The following ZEB1 variants were observed in gnomAD, a reference collection of about 807,000 sequenced individuals.
ZEB1 encodes zinc finger E-box-binding homeobox 1.
Under a neutral mutation model 84.9 loss-of-function variants are expected in ZEB1, and 21 were observed. That is an observed-to-expected ratio of 0.25 (90% CI 0.18 to 0.36). The LOEUF is 0.36. Ranked by LOEUF, ZEB1 falls within the 10% of genes least tolerant of loss-of-function variation. The probability of loss-of-function intolerance (pLI) is 1.00; values close to 1 mark genes in which losing one functional copy is unlikely to be tolerated. For missense variants in ZEB1, 1,104 were observed against 1,330.2 expected, an observed-to-expected ratio of 0.83 and a Z score of 2.65; for synonymous variants, 420 against 471.1, an observed-to-expected ratio of 0.89 and a Z score of 1.41.
At chr10:31,468,542 C>G (rs1406959983) in intron 2 of ZEB1, among the ~76,000 whole-genome samples, 2 of 152,254 alleles carry the variant, frequency 1.3e-5, no homozygotes, top group East Asian at 3.9e-4. Context: ...TAAGTTTCCC[C>G]CAAAAGACCT....
intron 1 of ZEB1, among the ~76,000 whole-genome samples, chr10:31,429,335 CTA>C (rs2057381412): frequency 6.6e-6 from 1 of 152,120 alleles, no homozygotes; most frequent in Non-Finnish European, 1.5e-5. Flanking sequence ...GTTTGGCTAA[CTA>C]TGAAATTCTG....
intron 2 of ZEB1, among the ~76,000 whole-genome samples, chr10:31,469,465 A>G (rs1185738740): frequency 1.3e-5 from 2 of 152,302 alleles, no homozygotes; most frequent in South Asian, 2.1e-4. Flanking sequence ...GGCACCTGGA[A>G]AATCGGGTCA....
chr10:31,418,951 CA>C (rs917058850), intron 1 of ZEB1, among the ~76,000 whole-genome samples: 9 of 150,788 alleles, frequency 6.0e-5, no homozygotes, highest in South Asian at 2.1e-4. Flanking sequence ...TGTACATATT[CA>C]AAAAAAAATC....
intron 1 of ZEB1, among the ~76,000 whole-genome samples, chr10:31,335,301 GATA>G (rs2037776686): frequency 1.3e-5 from 2 of 151,886 alleles, no homozygotes; most frequent in Non-Finnish European, 2.9e-5. Context: ...TTGGTCATCA[GATA>G]ATAAAAAAAA....
chr10:31,465,254 A>G (rs2062264144), intron 2 of ZEB1, among the ~76,000 whole-genome samples: 1 of 152,112 alleles, frequency 6.6e-6, no homozygotes, highest in South Asian at 2.1e-4. Context: ...TATACAATAT[A>G]CAAGTATGTA....
At chr10:31,442,956 C>T (rs1167804746) in intron 1 of ZEB1, among the ~76,000 whole-genome samples, 1 of 151,942 alleles carries the variant, frequency 6.6e-6, no homozygotes, top group Non-Finnish European at 1.5e-5. Context: ...GGCAACTTTT[C>T]CAAAAAGCTT....
chr10:31,331,550 C>T (rs2133276677), intron 1 of ZEB1, among the ~76,000 whole-genome samples: 1 of 152,022 alleles, frequency 6.6e-6, no homozygotes, highest in Non-Finnish European at 1.5e-5. Context: ...AGTACCTTGC[C>T]CTAAGGAGAT....
intron 2 of ZEB1, among the ~76,000 whole-genome samples, chr10:31,479,651 AC>A (rs535279888): frequency 6.6e-6 from 1 of 151,930 alleles, no homozygotes; most frequent in South Asian, 2.1e-4. Context: ...CAGATCTGTA[AC>A]ATAATGTCAA....
At chr10:31,515,910 G>T (rs2071010085) in intron 6 of ZEB1, among the ~76,000 whole-genome samples, 1 of 151,974 alleles carries the variant, frequency 6.6e-6, no homozygotes, top group African/African-American at 2.4e-5. Context: ...TGTTAATAAA[G>T]ATATAGCTAA....
At chr10:31,387,694 G>C in intron 1 of ZEB1, 1 of 933,340 alleles carries the variant, frequency 1.1e-6, no homozygotes. Flanking sequence ...TGATCTTTTT[G>C]AAGCTGTATC....
At chr10:31,411,175 A>G (rs2135778867) in intron 1 of ZEB1, among the ~76,000 whole-genome samples, 1 of 152,366 alleles carries the variant, frequency 6.6e-6, no homozygotes, top group Non-Finnish European at 1.5e-5. Context: ...ATCAGACCAC[A>G]GTGCAATCAA....
intron 6 of ZEB1, among the ~76,000 whole-genome samples, chr10:31,517,972 T>C (rs1227546055): frequency 1.3e-5 from 2 of 152,170 alleles, no homozygotes; most frequent in Non-Finnish European, 2.9e-5. Flanking sequence ...AGGGCTGTGA[T>C]GTAGTCATCC....
At chr10:31,424,376 G>A (rs1208026638) in intron 1 of ZEB1, among the ~76,000 whole-genome samples, 1 of 151,928 alleles carries the variant, frequency 6.6e-6, no homozygotes, top group Non-Finnish European at 1.5e-5. Context: ...ACTTACTGGG[G>A]ATGATATTTT....
intron 1 of ZEB1, among the ~76,000 whole-genome samples, chr10:31,447,815 A>G (rs1262305251): frequency 6.6e-6 from 1 of 152,104 alleles, no homozygotes; most frequent in African/African-American, 2.4e-5. Flanking sequence ...TTTGAGGGTA[A>G]CCCGACCTTT....
At chr10:31,355,958 G>A (rs1590224879) in intron 1 of ZEB1, among the ~76,000 whole-genome samples, 1 of 152,060 alleles carries the variant, frequency 6.6e-6, no homozygotes, top group Non-Finnish European at 1.5e-5. Context: ...ATGCTATTTC[G>A]GTAGGCCAGG....
Position 31,515,298 on chromosome 10 carries a change from G to A in ZEB1, c.793+590G>A, listed in dbSNP as rs191384057. On this transcript the variant is annotated intron_variant, in intron 6 of 8. Transcript: ENST00000424869. ...TACTATTATGCGATGAAAGTGTTGT[G>A]TCTATTTTAGGAACTCAGAGTAAAC... is the stretch of plus-strand genomic sequence containing the variant. Among the ~76,000 whole-genome samples, 204 of 152,086 alleles carry A rather than the reference G, an allele frequency of 1.3e-3. 4 individuals are homozygous for A. The South Asian group carries it at 0.031, about 23-fold the overall frequency.
intron 2 of ZEB1, among the ~76,000 whole-genome samples, chr10:31,474,497 A>C (rs904055253): frequency 1.1e-4 from 16 of 152,348 alleles, no homozygotes; most frequent in African/African-American, 3.6e-4. Flanking sequence ...AAGGCAAATC[A>C]AAACCACAAT....
At chr10:31,383,321 T>G (rs1161108859) in intron 1 of ZEB1, among the ~76,000 whole-genome samples, 1 of 152,106 alleles carries the variant, frequency 6.6e-6, no homozygotes, top group Non-Finnish European at 1.5e-5. Context: ...AATTTTTAAT[T>G]TAATGTTAAT....
At chr10:31,364,485 A>G (rs1158940607) in intron 1 of ZEB1, among the ~76,000 whole-genome samples, 1 of 152,130 alleles carries the variant, frequency 6.6e-6, no homozygotes, top group Non-Finnish European at 1.5e-5. Flanking sequence ...AGAGCGCAGG[A>G]CCAGCCAGAT....
Sources: allele counts gnomAD v4.1 joint callset (sites outside exome capture counted in the v4.1 genomes callset), GRCh38; gene constraint gnomAD v4.1.1; transcripts MANE v1.5; gene names NCBI Gene and HGNC (gene_info 2026-07-23, HGNC 2026-07-21).